The following SVEP1 variants were observed in gnomAD, a reference collection of about 807,000 sequenced individuals.
SVEP1 encodes sushi, von Willebrand factor type A, EGF and pentraxin domain-containing protein 1.
Under a neutral mutation model 367.3 loss-of-function variants are expected in SVEP1, and 164 were observed. That is an observed-to-expected ratio of 0.45 (90% confidence interval 0.39 to 0.51). The LOEUF (loss-of-function observed/expected upper bound fraction) is 0.51. Ranked by LOEUF, SVEP1 falls within the 20% of genes least tolerant of loss-of-function variation. The pLI is 0.00. For missense variants in SVEP1, 4,117 were observed against 4,425.3 expected (o/e 0.93, Z 1.98); for synonymous variants, 1,666 against 1,611.6 (o/e 1.03, Z -0.81).
Position 110,411,301 on chromosome 9 carries a change from A to G in SVEP1, c.6410T>C (p.Met2137Thr). ...CCGCACAGGGATGCACTGGATGGACATGGGGGAAGGGTTCCACTGCCCACC... is the reference window on the plus strand; with the variant it reads ...CCGCACAGGGATGCACTGGATGGACGTGGGGGAAGGGTTCCACTGCCCACC... ...MRGGQWNPSP[M>T]SIQCIPVRCG... Residue 2137 changes from methionine to threonine, a missense_variant, in exon 37 of 48, where the codon ATG (methionine) becomes ACG (threonine). Physicochemically the swap from Met to Thr is moderately conservative, Grantham distance 81. Transcript: ENST00000374469. 6.2e-7 allele frequency: 1 copy of G among 1,614,020 alleles called. No homozygotes were observed. The highest frequency in any genetic ancestry group is 8.5e-7 in the Non-Finnish European group (1 of 1,179,888).
intron 27 of SVEP1, among the ~76,000 whole-genome samples, chr9:110,439,104 A>G (rs776326714): frequency 6.6e-6 from 1 of 152,150 alleles, no homozygotes; most frequent in Non-Finnish European, 1.5e-5. Context: ...CGCCAAATTT[A>G]TATGTTGAAG....
chr9:110,557,267 T>C (rs1830367588), intron 1 of SVEP1, among the ~76,000 whole-genome samples: 1 of 152,228 alleles, frequency 6.6e-6, no homozygotes, highest in South Asian at 2.1e-4. Flanking sequence ...AGTGTCATTC[T>C]CTTCTCTACT....
intron 46 of SVEP1, among the ~76,000 whole-genome samples, chr9:110,374,729 GA>G (rs1827323748): frequency 2.6e-5 from 4 of 152,318 alleles, no homozygotes; most frequent in African/African-American, 9.6e-5. Flanking sequence ...CTGTTGGTAA[GA>G]GTGTAAATTA....
chr9:110,401,177 A>C (rs1204404700), intron 39 of SVEP1, among the ~76,000 whole-genome samples, 168 bp from the exon 40 acceptor site: 2 of 152,202 alleles, frequency 1.3e-5, no homozygotes, highest in Admixed American at 1.3e-4. Flanking sequence ...TAAAAAACAC[A>C]CTTTAATTAT....
Position 110,408,136 on chromosome 9 carries a change from T to C in SVEP1, c.7464A>G (p.Gly2488=), listed in dbSNP as rs903401375. The C allele has an allele frequency of 1.7e-5, 27 of 1,613,664 alleles. No homozygotes were observed. Among genetic ancestry groups the C allele is most frequent in the Non-Finnish European group, 2.1e-5 (25 of 1,179,828 alleles). The change falls in exon 38 of 48, where the codon GGA becomes GGG. Residue 2488 remains glycine (G), a synonymous_variant. Transcript: ENST00000374469. ...TLCGENGHWL[G]GKPTCKAIEC... is the part of the protein sequence containing the mutation. Reference sequence around the variant, plus strand: ...CAATGGCTTTACATGTTGGTTTTCCTCCAAGCCAGTGACCATTTTCTCCAC... The same window carrying C: ...CAATGGCTTTACATGTTGGTTTTCCCCCAAGCCAGTGACCATTTTCTCCAC...
At position 110,445,884 on chromosome 9, in the gene SVEP1, T is replaced by C. The variant is rs1828586600; in HGVS notation, c.4416A>G (p.Ala1472=). The change falls in exon 26 of 48, where the codon GCA becomes GCG. Residue 1472 remains alanine, a synonymous_variant. Coordinates refer to ENST00000374469, the MANE Select transcript of SVEP1 (RefSeq NM_153366.4). The part of the protein sequence containing the change: ...DMNYGTPISY[A]VDNGSDNTLL... The stretch of plus-strand genomic sequence containing the variant: ...AGGTATTGTCGCTGCCGTTATCAAC[T>C]GCATAGGAGATTGGTGTTCCATAGT... The C allele has an allele frequency of 1.2e-6, 2 of 1,613,956 alleles. No individual in the cohort carries two copies. Among genetic ancestry groups the C allele is most frequent in the Non-Finnish European group, 1.7e-6 (2 of 1,179,848 alleles).
intron 3 of SVEP1, among the ~76,000 whole-genome samples, chr9:110,540,515 G>T (rs1248379103): frequency 6.6e-6 from 1 of 151,922 alleles, no homozygotes; most frequent in Non-Finnish European, 1.5e-5. Flanking sequence ...CACAAGAAAA[G>T]TATTGATATC....
At chr9:110,442,228 T>C (rs1828520032) in intron 27 of SVEP1, among the ~76,000 whole-genome samples, 1 of 152,164 alleles carries the variant, frequency 6.6e-6, no homozygotes, top group Non-Finnish European at 1.5e-5. Context: ...TTAGTGTGAT[T>C]ATGTGATGAA....
chr9:110,511,142 ATTCACTAAGATTAT>A (rs2118771591), intron 5 of SVEP1, among the ~76,000 whole-genome samples: 1 of 152,308 alleles, frequency 6.6e-6, no homozygotes, highest in Admixed American at 6.5e-5. Flanking sequence ...CATTCAGAAA[ATTCACTAAGATTAT>A]TTCCCGACAT....
At chr9:110,416,210 G>A (rs1244789165) in intron 36 of SVEP1, among the ~76,000 whole-genome samples, 4 of 151,920 alleles carry the variant, frequency 2.6e-5, no homozygotes, top group African/African-American at 4.8e-5. Context: ...GCACCAATAA[G>A]TGAGATAATA....
chr9:110,416,195 G>T (rs1320428346), intron 36 of SVEP1, among the ~76,000 whole-genome samples: 1 of 151,812 alleles, frequency 6.6e-6, no homozygotes, highest in Non-Finnish European at 1.5e-5. Flanking sequence ...AACTGCAAGG[G>T]TAGAGCACCA....
Position 110,545,369 on chromosome 9 carries a change from T to C in SVEP1, c.964+746A>G, listed in dbSNP as rs530249961. On this transcript the variant is annotated intron_variant, in intron 3 of 47. Coordinates refer to ENST00000374469, the MANE Select transcript of SVEP1 (RefSeq NM_153366.4). ...CTGTTTTCCATAATGGCTATGCTAA[T>C]TCACATTCCCACCAACAGTGTTTAA... Among the ~76,000 whole-genome samples the C allele has an allele frequency of 7.2e-5, 11 of 152,350 alleles. No homozygotes were observed. The South Asian group carries it at 2.3e-3, about 32-fold the overall frequency.
In SVEP1 at chr9:110,455,674, A is replaced by G; in HGVS notation, c.3703T>C (p.Cys1235Arg). The part of the protein sequence containing the change: ...GLKCETDIDE[C>R]SPLPCLNNGV... ...TTGTTGAGGCAAGGCAGTGGGCTGC[A>G]CTCATCGATGTCTGTTTCACACTTT... Residue 1235 changes from cysteine (C) to arginine (R), a missense_variant, in exon 22 of 48, where the codon TGC becomes CGC. Coordinates refer to ENST00000374469, the MANE Select transcript of SVEP1 (RefSeq NM_153366.4). The G allele has an allele frequency of 6.2e-7, 1 of 1,612,594 alleles. No homozygotes were observed. Among genetic ancestry groups the G allele is most frequent in the Non-Finnish European group, 8.5e-7 (1 of 1,179,242 alleles).
intron 3 of SVEP1, among the ~76,000 whole-genome samples, chr9:110,524,701 G>A (rs7862048): frequency 1 from 151,305 of 151,664 alleles, 75,473 homozygotes; most frequent in Middle Eastern, 1. Context: ...TCATACAAAT[G>A]TTATTATTAT....
chr9:110,507,918 C>T (rs927746381), intron 5 of SVEP1, among the ~76,000 whole-genome samples: 5 of 152,144 alleles, frequency 3.3e-5, no homozygotes, highest in African/African-American at 9.7e-5. Flanking sequence ...AAATTAGAGT[C>T]GGTGCCTCAT....
intron 44 of SVEP1, among the ~76,000 whole-genome samples, 199 bp from the exon 45 acceptor site, chr9:110,377,565 C>T (rs925533455): frequency 2.6e-5 from 4 of 152,076 alleles, no homozygotes; most frequent in Admixed American, 1.3e-4. Flanking sequence ...TTCAGTTTTC[C>T]CTGTAGCTTT....
chr9:110,563,535 G>A (rs561544536), intron 1 of SVEP1, among the ~76,000 whole-genome samples: 70 of 151,992 alleles, frequency 4.6e-4, no homozygotes, highest in Non-Finnish European at 2.9e-4. Flanking sequence ...CAATTTATAG[G>A]GCCTTTGCAA....
chr9:110,374,322 G>T (rs540567211), intron 46 of SVEP1, among the ~76,000 whole-genome samples: 6 of 152,060 alleles, frequency 3.9e-5, no homozygotes, highest in African/African-American at 7.2e-5. Flanking sequence ...ACATGATCTC[G>T]TTCTTTTTTA....
Position 110,481,278 on chromosome 9 carries a change from T to A in SVEP1, c.2329A>T (p.Lys777Ter). The A allele has an allele frequency of 6.2e-7, 1 of 1,604,202 alleles. No homozygotes were observed. Among genetic ancestry groups the A allele is most frequent in the Non-Finnish European group, 8.5e-7 (1 of 1,175,152 alleles). Residue 777 changes from lysine to a stop codon, truncating the protein, a stop_gained, in exon 12 of 48, where the codon AAA becomes TAA. Transcript: ENST00000374469. LOFTEE classifies it high-confidence loss of function. ...GGCCATTCAGTGGTATATGTTGGTT[T>A]CCAGACGCCATCTTCATAAGCACAA... ...YYCAYEDGVW[K>*]PTYTTEWPDC...
Sources: gnomAD v4.1 joint callset for allele counts (sites outside exome capture counted in the v4.1 genomes callset) on GRCh38, gnomAD v4.1.1 for gene constraint, MANE v1.5 for transcripts, NCBI Gene and HGNC (gene_info 2026-07-23, HGNC 2026-07-21) for gene names.